Variants in ITPR2 observed in about 807,000 individuals in gnomAD.
ITPR2 encodes the protein inositol 1,4,5-trisphosphate-gated calcium channel ITPR2.
Under a neutral mutation model 317.1 loss-of-function variants are expected in ITPR2, and 207 were observed. The observed-to-expected ratio is 0.65, with a 90% CI of 0.58 to 0.73. The LOEUF (loss-of-function observed/expected upper bound fraction) is 0.73. ITPR2 is among the 30% of genes least tolerant of loss of function. The pLI is 0.00. For synonymous variants in ITPR2, 1,156 were observed against 1,149.1 expected, an observed-to-expected ratio of 1.01 and a Z score of -0.12; for missense variants, 2,613 against 3,284.0, an observed-to-expected ratio of 0.80 and a Z score of 4.99.
rs186183723 is a variant in ITPR2 at position 26,753,897 on chromosome 12, A to G, written c.164-28132T>C. On this transcript the variant is annotated intron_variant, in intron 2 of 56. Coordinates refer to ENST00000381340, the MANE Select transcript of ITPR2 (RefSeq NM_002223.4). ...TGTCTTGTATGTCCTTGGGAGCTTGACCTTGTAACCGTGTGGCCATGCTTT... is the reference window on the plus strand; with the variant it reads ...TGTCTTGTATGTCCTTGGGAGCTTGGCCTTGTAACCGTGTGGCCATGCTTT... Among the ~76,000 whole-genome samples the G allele has an allele frequency of 8.5e-5, 13 of 152,232 alleles. No homozygotes were observed. The East Asian group carries it at 2.5e-3, about 29-fold the overall frequency.
intron 55 of ITPR2, among the ~76,000 whole-genome samples, chr12:26,346,996 A>G (rs1337984938): frequency 2.0e-5 from 3 of 152,200 alleles, no homozygotes; most frequent in Non-Finnish European, 4.4e-5. Flanking sequence ...AAGCAGCCTC[A>G]AAACCATACA....
chr12:26,359,799 G>A (rs1490703387), intron 55 of ITPR2, among the ~76,000 whole-genome samples: 1 of 152,038 alleles, frequency 6.6e-6, no homozygotes, highest in Non-Finnish European at 1.5e-5. Flanking sequence ...ACAAGCACAT[G>A]GCGTCACCCG....
At position 26,711,284 on chromosome 12, in the gene ITPR2, C is replaced by T. The variant is rs370845853; in HGVS notation, c.856-16G>A. On this transcript the variant is annotated splice_polypyrimidine_tract_variant and intron_variant, in intron 8 of 56. Coordinates refer to ENST00000381340, the MANE Select transcript of ITPR2 (RefSeq NM_002223.4). ...GATGAACCACCTACAAAGAGAGCAA[C>T]GATAGTAATGGCAAAACAATATTTA... 4 of 1,558,826 alleles carry T rather than the reference C, an allele frequency of 2.6e-6. No individual in the cohort carries two copies. Among genetic ancestry groups the T allele is most frequent in the East Asian group, 4.5e-5 (2 of 44,562 alleles).
At chr12:26,722,697 C>T (rs1948857772) in intron 4 of ITPR2, 142 bp from the exon 5 acceptor site, 1 of 553,612 alleles carries the variant, frequency 1.8e-6, no homozygotes, top group Non-Finnish European at 3.0e-6. Context: ...TCAGCCTCCA[C>T]ACTCACCATC....
At chr12:26,415,068 C>T (rs1006445808) in intron 51 of ITPR2, among the ~76,000 whole-genome samples, 2 of 151,878 alleles carry the variant, frequency 1.3e-5, no homozygotes, top group Non-Finnish European at 2.9e-5. Context: ...ACTTTCTTAC[C>T]GAGACTGAGC....
chr12:26,506,417 A>G (rs1040511857), intron 37 of ITPR2, among the ~76,000 whole-genome samples: 7 of 148,958 alleles, frequency 4.7e-5, no homozygotes, highest in African/African-American at 1.5e-4. Flanking sequence ...CTGAGGTGGG[A>G]GGATCGCTTG....
At chr12:26,518,355 C>T (rs1196093957) in intron 37 of ITPR2, among the ~76,000 whole-genome samples, 3 of 152,040 alleles carry the variant, frequency 2.0e-5, no homozygotes, top group Non-Finnish European at 4.4e-5. Flanking sequence ...ATAACAGACA[C>T]CAGGTCCTAC....
intron 39 of ITPR2, among the ~76,000 whole-genome samples, chr12:26,493,877 C>T (rs1160144552): frequency 2.0e-5 from 3 of 152,182 alleles, no homozygotes; most frequent in African/African-American, 7.2e-5. Context: ...GTGGCCTAAT[C>T]TCCTGTGTGC....
intron 34 of ITPR2, among the ~76,000 whole-genome samples, chr12:26,568,016 A>ATATATATTATATATATTT (rs1274599689): frequency 1.3e-4 from 13 of 96,470 alleles, no homozygotes; most frequent in South Asian, 9.2e-4. Context: ...TTATATATAT[A>ATATATATTATATATATTT]TATATATATA....
At chr12:26,534,243 T>G (rs1255838180) in intron 37 of ITPR2, among the ~76,000 whole-genome samples, 1 of 152,210 alleles carries the variant, frequency 6.6e-6, no homozygotes. Context: ...TCAGCATGCT[T>G]TTCCCAGGAA....
intron 15 of ITPR2, among the ~76,000 whole-genome samples, chr12:26,663,471 C>T (rs912116132): frequency 6.6e-6 from 1 of 152,174 alleles, no homozygotes; most frequent in African/African-American, 2.4e-5. Context: ...AGGACATCCT[C>T]CCCCAGTGAT....
In ITPR2 at chr12:26,343,524, G is replaced by A. The variant is rs531999190; in HGVS notation, c.7858-3196C>T. 2.4e-4 allele frequency among the ~76,000 whole-genome samples: 36 copies of A among 152,208 alleles called. 1 individual carries two copies. The South Asian group carries it at 7.5e-3, about 32-fold the overall frequency. On this transcript the variant is annotated intron_variant, in intron 55 of 56. Coordinates refer to ENST00000381340, the MANE Select transcript of ITPR2 (RefSeq NM_002223.4). ...ACGCCACAAAACTGTACACTTTAATGGTAAAATGGTAAGTTTTGTGTTATA... is the reference window on the plus strand; with the variant it reads ...ACGCCACAAAACTGTACACTTTAATAGTAAAATGGTAAGTTTTGTGTTATA...
chr12:26,720,101 T>C (rs1205014410), intron 5 of ITPR2, among the ~76,000 whole-genome samples: 3 of 152,142 alleles, frequency 2.0e-5, no homozygotes, highest in African/African-American at 7.2e-5. Flanking sequence ...AGTACAGGGA[T>C]CCATGAGTCT....
intron 2 of ITPR2, among the ~76,000 whole-genome samples, chr12:26,737,643 A>T (rs1949151169): frequency 6.6e-6 from 1 of 152,016 alleles, no homozygotes; most frequent in African/African-American, 2.4e-5. Context: ...AAGCTCAGAC[A>T]CCTCACCTGC....
At chr12:26,673,297 A>G (rs1186773324) in intron 13 of ITPR2, among the ~76,000 whole-genome samples, 1 of 152,216 alleles carries the variant, frequency 6.6e-6, no homozygotes, top group Admixed American at 6.5e-5. Flanking sequence ...AATCCTCAAT[A>G]AAATACTGGC....
chr12:26,377,677 A>C (rs558172110), intron 55 of ITPR2, among the ~76,000 whole-genome samples: 17 of 152,258 alleles, frequency 1.1e-4, no homozygotes, highest in Non-Finnish European at 1.9e-4. Flanking sequence ...AGGTAAAATC[A>C]TAGACATCGG....
intron 1 of ITPR2, among the ~76,000 whole-genome samples, chr12:26,811,750 A>G (rs1950753595): frequency 6.9e-6 from 1 of 145,626 alleles, no homozygotes; most frequent in Non-Finnish European, 1.5e-5. Flanking sequence ...GCTGCTCAGG[A>G]GGCTGAGGCA....
At chr12:26,620,988 CA>C in intron 26 of ITPR2, 134 bp downstream of exon 26, 1 of 723,028 alleles carries the variant, frequency 1.4e-6, no homozygotes, top group East Asian at 2.7e-5. Flanking sequence ...GACAACTTAG[CA>C]AATGAAAATT....
intron 37 of ITPR2, among the ~76,000 whole-genome samples, chr12:26,521,112 A>G (rs1943650106): frequency 6.6e-6 from 1 of 151,650 alleles, no homozygotes; most frequent in African/African-American, 2.4e-5. Context: ...ACTCCAGTTA[A>G]CCAACCTGTA....
Sources: allele counts gnomAD v4.1 joint callset (sites outside exome capture counted in the v4.1 genomes callset), GRCh38; gene constraint gnomAD v4.1.1; transcripts MANE v1.5; gene names NCBI Gene and HGNC (gene_info 2026-07-23, HGNC 2026-07-21).